ADGRD1: variants seen among roughly 807,000 people sequenced by gnomAD.
ADGRD1 encodes the protein adhesion G protein-coupled receptor D1, also known as G-protein coupled receptor 133.
In ADGRD1, 77 loss-of-function variants were observed where a neutral mutation model predicts 113.4. The ratio of observed to expected loss-of-function variants is 0.68; its 90% CI spans 0.57 to 0.82. The LOEUF (loss-of-function observed/expected upper bound fraction) is 0.82. ADGRD1 is among the 40% of genes least tolerant of loss of function. The pLI, the probability that ADGRD1 is intolerant of heterozygous loss-of-function variation, is 0.00. For missense variants in ADGRD1, 1,036 were observed against 1,139.1 expected (o/e 0.91, Z 1.30); for synonymous variants, 474 against 475.0 (o/e 1.00, Z 0.03).
intron 15 of ADGRD1, among the ~76,000 whole-genome samples, chr12:131,086,942 G>T (rs1886506077): frequency 6.6e-6 from 1 of 152,192 alleles, no homozygotes; most frequent in Non-Finnish European, 1.5e-5. Context: ...GTCTCACCCT[G>T]TTGCCCAGGC....
intron 18 of ADGRD1, 102 bp from the exon 19 acceptor site, chr12:131,118,282 TG>T: frequency 1.3e-6 from 1 of 778,076 alleles, no homozygotes; most frequent in Non-Finnish European, 2.2e-6. Flanking sequence ...TATACATGTA[TG>T]AGGTGTACAA....
chr12:131,030,072 G>C (rs1278107023), intron 13 of ADGRD1, among the ~76,000 whole-genome samples: 1 of 139,388 alleles, frequency 7.2e-6, no homozygotes. Flanking sequence ...TTAGGTTGTG[G>C]ACCCGTCGTA....
At chr12:131,136,777 G>A (rs112138497) in intron 22 of ADGRD1, among the ~76,000 whole-genome samples, 196 bp from the exon 23 acceptor site, 12 of 152,334 alleles carry the variant, frequency 7.9e-5, no homozygotes, top group Admixed American at 2.0e-4. Context: ...AACTCGGTCC[G>A]AGCAGCTGCC....
chr12:131,024,480 T>C (rs1370584007), intron 13 of ADGRD1: 1 of 152,238 alleles, frequency 6.6e-6, no homozygotes, highest in African/African-American at 2.4e-5. Context: ...AGATTGCGTA[T>C]ACCACAGTGG....
At chr12:130,997,565 G>T (rs974466865) in intron 8 of ADGRD1, among the ~76,000 whole-genome samples, 9 of 152,138 alleles carry the variant, frequency 5.9e-5, no homozygotes, top group African/African-American at 2.2e-4. Flanking sequence ...CATCCCAGAC[G>T]GGGCGGCGGG....
intron 24 of ADGRD1, 52 bp downstream of exon 24, chr12:131,138,281 G>A (rs1198655365): frequency 6.6e-7 from 1 of 1,514,070 alleles, no homozygotes; most frequent in Admixed American, 1.7e-5. Flanking sequence ...CCTTCCCCAG[G>A]CTCGGTTGTC....
intron 13 of ADGRD1, among the ~76,000 whole-genome samples, chr12:131,032,235 C>T (rs1383704685): frequency 6.6e-6 from 1 of 152,166 alleles, no homozygotes; most frequent in Non-Finnish European, 1.5e-5. Flanking sequence ...GTTCCCTCTC[C>T]ACCCTGGCGG....
At chr12:131,076,291 C>T (rs1885600832) in intron 13 of ADGRD1, among the ~76,000 whole-genome samples, 1 of 152,204 alleles carries the variant, frequency 6.6e-6, no homozygotes, top group Non-Finnish European at 1.5e-5. Context: ...CAAACACACA[C>T]AGTGGACAGT....
At chr12:130,960,474 G>A (rs541639258) in intron 2 of ADGRD1, among the ~76,000 whole-genome samples, 83 of 152,092 alleles carry the variant, frequency 5.5e-4, no homozygotes, top group Non-Finnish European at 1.1e-3. Context: ...GTTTATATCC[G>A]ATTGAAGAAA....
At chr12:130,959,416 A>G (rs1404735175) in intron 2 of ADGRD1, among the ~76,000 whole-genome samples, 1 of 152,078 alleles carries the variant, frequency 6.6e-6, no homozygotes, top group African/African-American at 2.4e-5. Flanking sequence ...TATAAAAAAT[A>G]AACATTCAGC....
chr12:130,982,904 G>A (rs1281447411), intron 5 of ADGRD1, among the ~76,000 whole-genome samples: 1 of 152,196 alleles, frequency 6.6e-6, no homozygotes, highest in Non-Finnish European at 1.5e-5. Context: ...AGCCCAACAA[G>A]GGAAGGGCAG....
At chr12:131,043,859 T>C (rs558777344) in intron 13 of ADGRD1, among the ~76,000 whole-genome samples, 1 of 152,202 alleles carries the variant, frequency 6.6e-6, no homozygotes, top group Admixed American at 6.5e-5. Context: ...TGCAGGTGGG[T>C]GGGACTGAAA....
intron 2 of ADGRD1, among the ~76,000 whole-genome samples, chr12:130,958,289 C>T (rs71468456): frequency 0.13 from 19,303 of 151,050 alleles, 1,626 homozygotes; most frequent in Middle Eastern, 0.26. Context: ...AACCTCTGCC[C>T]CCTGGGTTCT....
At chr12:130,981,368 T>C (rs1872972497) in intron 4 of ADGRD1, 1 of 152,296 alleles carries the variant, frequency 6.6e-6, no homozygotes, top group Non-Finnish European at 1.5e-5. Flanking sequence ...GGAGTAAACT[T>C]TATAGAAATG....
At chr12:131,083,183 C>T (rs776611226) in intron 14 of ADGRD1, among the ~76,000 whole-genome samples, 7 of 152,162 alleles carry the variant, frequency 4.6e-5, no homozygotes, top group African/African-American at 7.2e-5. Context: ...TTAATTTATT[C>T]GCCTTTATGA....
chr12:130,954,744 C>A lies in ADGRD1; in HGVS notation c.103+84C>A. ...TCAGGAACAGCCCACTTGTTCATCT[C>A]TGAGGCATCAGCGAATGGCCCTTGT... On this transcript the variant is annotated intron_variant, in intron 2 of 24. Coordinates refer to ENST00000261654, the MANE Select transcript of ADGRD1 (RefSeq NM_198827.5). This position sits in a 1 kb window ranked among gnomAD's most constrained non-coding sequence, Gnocchi z 4.7. The A allele has an allele frequency of 7.5e-7, 1 of 1,340,558 alleles. No individual in the cohort carries two copies. The highest frequency in any genetic ancestry group is 1.2e-5 in the South Asian group (1 of 84,980). 83.0% of individuals were successfully genotyped at this position (1,340,558 alleles called of 1,614,324 possible). A position where few individuals can be genotyped will look rare whatever the true frequency, so the allele number is the denominator to read the frequency against.
chr12:131,001,687 T>A (rs1030399324), intron 9 of ADGRD1, among the ~76,000 whole-genome samples: 13 of 152,166 alleles, frequency 8.5e-5, no homozygotes, highest in African/African-American at 2.9e-4. Context: ...TCCACCCAGA[T>A]ACTCAGGGAT....
intron 21 of ADGRD1, among the ~76,000 whole-genome samples, chr12:131,132,363 A>G (rs1950955049): frequency 6.6e-6 from 1 of 152,170 alleles, no homozygotes; most frequent in Admixed American, 6.5e-5. Flanking sequence ...ACTCACTGCC[A>G]TCGGGGGTGT....
At chr12:130,996,811 G>A (rs1164630292) in intron 8 of ADGRD1, among the ~76,000 whole-genome samples, 14 of 112,284 alleles carry the variant, frequency 1.2e-4, no homozygotes, top group African/African-American at 4.8e-4. Flanking sequence ...CCTCCCGGAC[G>A]GGGCGGCTGG....
Sources: gnomAD v4.1 joint callset for allele counts (sites outside exome capture counted in the v4.1 genomes callset) on GRCh38, gnomAD v4.1.1 for gene constraint, Gnocchi (gnomAD v3.1) non-coding constraint, MANE v1.5 for transcripts, NCBI Gene and HGNC (gene_info 2026-07-23, HGNC 2026-07-21) for gene names.